Variants in HERC1 observed in about 807,000 individuals in gnomAD.
The protein encoded by HERC1 is HECT and RLD domain containing E3 ubiquitin protein ligase family member 1, also known as probable E3 ubiquitin-protein ligase HERC1.
In HERC1, 160 loss-of-function variants were observed where a neutral mutation model predicts 554.3. The observed-to-expected ratio is 0.29, with a 90% confidence interval of 0.25 to 0.33. HERC1 has a LOEUF of 0.33. Among genes scored for constraint, HERC1 ranks in the 10% least tolerant of loss-of-function variants. HERC1 has a pLI of 1.00. For missense variants in HERC1, 4,919 were observed against 5,918.5 expected (o/e 0.83, Z 5.54); for synonymous variants, 2,175 against 2,131.7 (o/e 1.02, Z -0.56).
At chr15:63,643,672 T>A in intron 57 of HERC1, 122 bp from the exon 58 acceptor site, 1 of 648,084 alleles carries the variant, frequency 1.5e-6, no homozygotes, top group South Asian at 2.9e-5. Context: ...AGAGATAATT[T>A]CTCTCATAAA....
rs752027933 is a variant in HERC1 at position 63,774,975 on chromosome 15, T to C, written c.649A>G (p.Met217Val). The change falls in exon 2 of 78, where the codon ATG (methionine) becomes GTG (valine). Residue 217 changes from methionine (M) to valine (V), a missense_variant. Physicochemically the swap from Met to Val is conservative, Grantham distance 21. This residue lies in a region of HERC1 where 744 missense variants were observed against 1,090.0 expected (regional missense o/e 0.68). Transcript: ENST00000443617. ...ACTTGCGATAAGCAGTCCAAGCCCA[T>C]AGGAGGAATCTTGCTTTCATTTGCT... ...SLANESKIPP[M>V]GLDCLSQVTT... 5.6e-6 allele frequency: 9 copies of C among 1,613,962 alleles called. No homozygotes were observed. The highest frequency in any genetic ancestry group is 1.7e-5 in the Admixed American group (1 of 60,030).
At chr15:63,654,818 G>A (rs1456752697) in intron 50 of HERC1, among the ~76,000 whole-genome samples, 4 of 151,004 alleles carry the variant, frequency 2.6e-5, no homozygotes, top group East Asian at 2.0e-4. Context: ...GCGGTGAGCC[G>A]AGACTGCGCC....
At chr15:63,619,244 T>C (rs1048693906) in intron 74 of HERC1, among the ~76,000 whole-genome samples, 1 of 152,234 alleles carries the variant, frequency 6.6e-6, no homozygotes, top group African/African-American at 2.4e-5. Flanking sequence ...TCTGCACCTA[T>C]TGAGATAATC....
intron 1 of HERC1, among the ~76,000 whole-genome samples, chr15:63,829,602 T>C (rs1277843578): frequency 3.1e-5 from 4 of 130,402 alleles, no homozygotes; most frequent in African/African-American, 8.6e-5. Context: ...TATAATATAC[T>C]GATATATTTC....
chr15:63,712,953 A>C (rs2073377022), intron 23 of HERC1, 58 bp from the exon 24 acceptor site: 3 of 1,479,910 alleles, frequency 2.0e-6, no homozygotes, highest in Non-Finnish European at 2.8e-6. Flanking sequence ...GTGAACATAA[A>C]ATTGAATGGA....
chr15:63,704,936 C>CA (rs1315134138), intron 25 of HERC1, among the ~76,000 whole-genome samples: 1 of 151,900 alleles, frequency 6.6e-6, no homozygotes, highest in African/African-American at 2.4e-5. Flanking sequence ...GACAGGGTTT[C>CA]ACCATGTTAG....
chr15:63,755,897 G>A (rs558460419), intron 5 of HERC1, among the ~76,000 whole-genome samples: 1 of 152,180 alleles, frequency 6.6e-6, no homozygotes, highest in South Asian at 2.1e-4. Flanking sequence ...CAATTACTTA[G>A]GTACTCTAAA....
chr15:63,702,429 C>CAG (rs1338970601), intron 25 of HERC1, among the ~76,000 whole-genome samples: 1 of 152,188 alleles, frequency 6.6e-6, no homozygotes, highest in African/African-American at 2.4e-5. Flanking sequence ...TCAAACCACA[C>CAG]AGTATTTTAA....
Position 63,659,724 on chromosome 15 carries a change from A to T in HERC1, c.9424+12T>A. 6.3e-7 allele frequency: 1 copy of T among 1,598,620 alleles called. No individual in the cohort carries two copies. The highest frequency in any genetic ancestry group is 8.6e-7 in the Non-Finnish European group (1 of 1,166,324). ...TGCTATAAAATCAATGCAAATCAGG[A>T]TTTCAGTTTACCTATTTGCATCAGA... On this transcript the variant is annotated intron_variant, in intron 47 of 77. Coordinates refer to ENST00000443617, the MANE Select transcript of HERC1 (RefSeq NM_003922.4).
intron 57 of HERC1, among the ~76,000 whole-genome samples, chr15:63,644,579 G>C (rs1285260543): frequency 6.6e-6 from 1 of 151,952 alleles, no homozygotes; most frequent in Non-Finnish European, 1.5e-5. Context: ...CTCGCCTAGA[G>C]GGCTCTCTAT....
chr15:63,641,377 A>G (rs2069053241), intron 60 of HERC1, 93 bp downstream of exon 60: 2 of 1,088,632 alleles, frequency 1.8e-6, no homozygotes, highest in Non-Finnish European at 2.6e-6. Context: ...TTATCCTCAG[A>G]CCTCATGCTT....
Position 63,616,639 on chromosome 15 carries a change from G to A in HERC1, c.13732C>T (p.Gln4578Ter). 1 of 1,613,308 alleles carries A rather than the reference G, an allele frequency of 6.2e-7. No individual in the cohort carries two copies. Among genetic ancestry groups the A allele is most frequent in the Non-Finnish European group, 8.5e-7 (1 of 1,179,428 alleles). Residue 4578 changes from glutamine to a stop codon, truncating the protein, a stop_gained, in exon 75 of 78, where the codon CAG becomes TAG. Coordinates refer to ENST00000443617, the MANE Select transcript of HERC1 (RefSeq NM_003922.4). LOFTEE classifies it high-confidence loss of function. ...PSACLDEHLM[Q>*]FKFLGILMGV... The stretch of plus-strand genomic sequence containing the variant: ...ATTAAAATTCCTAAAAACTTAAACT[G>A]CATTAAGTGTTCATCGAGGCAGGCA...
chr15:63,770,483 C>T (rs1304051774), intron 2 of HERC1, among the ~76,000 whole-genome samples: 1 of 152,168 alleles, frequency 6.6e-6, no homozygotes, highest in Non-Finnish European at 1.5e-5. Context: ...CAGTATCTGG[C>T]ACAACATGTG....
At chr15:63,780,995 AT>A (rs1008632578) in intron 1 of HERC1, among the ~76,000 whole-genome samples, 1 of 152,216 alleles carries the variant, frequency 6.6e-6, no homozygotes, top group African/African-American at 2.4e-5. Flanking sequence ...AAAACAAGTG[AT>A]TTCAAAATGT....
chr15:63,777,178 T>C (rs1369452866), intron 1 of HERC1, among the ~76,000 whole-genome samples: 5 of 152,178 alleles, frequency 3.3e-5, no homozygotes. Context: ...CAGACTACAG[T>C]AATTAAAAGG....
intron 5 of HERC1, 57 bp from the exon 6 acceptor site, chr15:63,755,382 T>A (rs953956399): frequency 3.3e-5 from 41 of 1,241,836 alleles, no homozygotes; most frequent in South Asian, 1.7e-4. Flanking sequence ...ATATAGTCCG[T>A]ATTTGATCCT....
chr15:63,775,679 AACAT>A lies in HERC1; in HGVS notation c.-26-34_-26-31del. On this transcript the variant is annotated intron_variant, in intron 1 of 77. Coordinates refer to ENST00000443617, the MANE Select transcript of HERC1 (RefSeq NM_003922.4). The surrounding 1 kb of genome is among the most constrained non-coding windows in gnomAD (Gnocchi z 4.0). ...AAAGGGAGAAGAGAAAACAGTCAAAAACATACAGAGGACTCATAAAATGTTTCCA... is the reference window on the plus strand; with the variant it reads ...AAAGGGAGAAGAGAAAACAGTCAAAAACAGAGGACTCATAAAATGTTTCCA... The A allele has an allele frequency of 3.0e-6, 4 of 1,343,228 alleles. No homozygotes were observed. Among genetic ancestry groups the A allele is most frequent in the Non-Finnish European group, 4.1e-6 (4 of 973,232 alleles). 83.2% of individuals were successfully genotyped at this position (1,343,228 alleles called of 1,614,324 possible). A position where few individuals can be genotyped will look rare whatever the true frequency, so the allele number is the denominator to read the frequency against.
intron 40 of HERC1, among the ~76,000 whole-genome samples, chr15:63,668,103 A>C (rs2070731476): frequency 6.6e-6 from 1 of 152,250 alleles, no homozygotes. Flanking sequence ...AACTTATTTA[A>C]TTCAAAGAAA....
Position 63,680,179 on chromosome 15 carries a change from G to C in HERC1, c.6466-19C>G. On this transcript the variant is annotated intron_variant, in intron 35 of 77. Coordinates refer to ENST00000443617, the MANE Select transcript of HERC1 (RefSeq NM_003922.4). This position sits in a 1 kb window ranked among gnomAD's most constrained non-coding sequence, Gnocchi z 5.8. Reference sequence around the variant, plus strand: ...TGGGTTCCTACAGTGTGGCAGCAGTGAGGAAAAGAAAAAGGAAATAGAAAT... The same window carrying C: ...TGGGTTCCTACAGTGTGGCAGCAGTCAGGAAAAGAAAAAGGAAATAGAAAT... 6.3e-7 allele frequency: 1 copy of C among 1,586,900 alleles called. No homozygotes were observed.
Sources: gnomAD v4.1 joint callset for allele counts (sites outside exome capture counted in the v4.1 genomes callset) on GRCh38, gnomAD v4.1.1 for gene constraint, gnomAD v4.1.1 regional missense constraint, Gnocchi (gnomAD v3.1) non-coding constraint, MANE v1.5 for transcripts, NCBI Gene and HGNC (gene_info 2026-07-23, HGNC 2026-07-21) for gene names.